Variants in IL31RA observed in about 807,000 individuals in gnomAD.
IL31RA encodes the protein interleukin-31 receptor subunit alpha.
A neutral mutation model predicts 83.7 loss-of-function variants in IL31RA; 66 were observed. That is an observed-to-expected ratio of 0.79 (90% CI 0.65 to 0.97). The LOEUF (loss-of-function observed/expected upper bound fraction) is 0.97, where lower values mean the gene tolerates loss of function less well. Ranked by LOEUF, IL31RA falls within the 50% of genes least tolerant of loss-of-function variation. The pLI, the probability that IL31RA is intolerant of heterozygous loss-of-function variation, is 0.00. For missense variants in IL31RA, 798 were observed against 919.4 expected (o/e 0.87, Z 1.71); for synonymous variants, 325 against 329.0 (o/e 0.99, Z 0.13).
At chr5:55,875,366 C>T (rs1418050959) in intron 4 of IL31RA, among the ~76,000 whole-genome samples, 1 of 152,144 alleles carries the variant, frequency 6.6e-6, no homozygotes, top group East Asian at 1.9e-4. Flanking sequence ...TAATATTGGC[C>T]TCATAGAATG....
At chr5:55,911,001 C>T (rs1468920758) in intron 12 of IL31RA, among the ~76,000 whole-genome samples, 1 of 152,144 alleles carries the variant, frequency 6.6e-6, no homozygotes, top group Admixed American at 6.5e-5. Context: ...AGGCTGTCTC[C>T]CCGTTCATAG....
intron 1 of IL31RA, among the ~76,000 whole-genome samples, chr5:55,857,139 C>T (rs1745410055): frequency 6.6e-6 from 1 of 151,484 alleles, no homozygotes; most frequent in African/African-American, 2.4e-5. Flanking sequence ...GGCTCTGTCA[C>T]CCAGGCTGAA....
intron 2 of IL31RA, among the ~76,000 whole-genome samples, chr5:55,867,014 A>T (rs1160335355): frequency 2.6e-5 from 4 of 152,212 alleles, no homozygotes; most frequent in African/African-American, 4.8e-5. Context: ...CAAAGAAGTT[A>T]GTATAAGCCT....
intron 2 of IL31RA, among the ~76,000 whole-genome samples, chr5:55,862,073 T>A (rs1200715021): frequency 1.3e-5 from 2 of 152,236 alleles, no homozygotes; most frequent in Non-Finnish European, 2.9e-5. Context: ...TTTTTCCCCT[T>A]ATTTCTAGAA....
chr5:55,917,242 C>G lies in IL31RA; in HGVS notation c.*122C>G, dbSNP rs1479448801. 9.4e-6 allele frequency: 15 copies of G among 1,587,922 alleles called. No individual in the cohort carries two copies. The Admixed American group carries it at 2.6e-4, about 27-fold the overall frequency. On this transcript the variant is annotated 3_prime_UTR_variant, in exon 15 of 15. Coordinates refer to ENST00000652347, the MANE Select transcript of IL31RA (RefSeq NM_139017.7). The stretch of plus-strand genomic sequence containing the variant: ...CACATCCTGCCTAGGTTAAAGTTTC[C>G]CCTGCCCCTTGAGCTGCCAGTTGAA...
chr5:55,848,112 T>C (rs1744977163), upstream of IL31RA, among the ~76,000 whole-genome samples: 2 of 152,216 alleles, frequency 1.3e-5, no homozygotes. Flanking sequence ...GTTTCTCCAC[T>C]GTAAAATACG....
In IL31RA at chr5:55,851,537, G is replaced by A. The variant is rs368309094; in HGVS notation, c.-34G>A. 170 of 1,613,870 alleles carry A rather than the reference G, an allele frequency of 1.1e-4. 1 individual carries two copies. The highest frequency in any genetic ancestry group is 1.6e-4 in the Middle Eastern group (1 of 6,080). ...TGCAGTATGAAAATTGAGACAGGAA[G>A]GCAGAGTGTCAGCTTGTTCCACCTC... On this transcript the variant is annotated 5_prime_UTR_variant, in exon 1 of 15. Transcript: ENST00000652347.
Position 55,907,410 on chromosome 5 carries a change from A to G in IL31RA, c.1304A>G (p.His435Arg). The change falls in exon 10 of 15, where the codon CAT becomes CGT. Residue 435 changes from histidine to arginine, a missense_variant. His to Arg is a conservative substitution (Grantham distance 29). Coordinates refer to ENST00000652347, the MANE Select transcript of IL31RA (RefSeq NM_139017.7). ...CYNISVYPML[H>R]DKVGEPYSIQ... The stretch of plus-strand genomic sequence containing the variant: ...AACATCTCTGTGTATCCAATGTTGC[A>G]TGACAAAGTTGGCGAGCCATATTCC... 1 of 1,613,932 alleles carries G rather than the reference A, an allele frequency of 6.2e-7. No individual in the cohort carries two copies. Among genetic ancestry groups the G allele is most frequent in the Non-Finnish European group, 8.5e-7 (1 of 1,179,794 alleles).
At chr5:55,907,518 C>T (rs769288372) in intron 10 of IL31RA, 58 bp downstream of exon 10, 8 of 1,153,500 alleles carry the variant, frequency 6.9e-6, no homozygotes, top group African/African-American at 1.5e-5. Flanking sequence ...TCCCACATGC[C>T]GATAAGGCTG....
chr5:55,847,406 A>G (rs1003825288), upstream of IL31RA, among the ~76,000 whole-genome samples: 3 of 151,938 alleles, frequency 2.0e-5, no homozygotes, highest in Non-Finnish European at 4.4e-5. Context: ...CCATGGTGAA[A>G]CCCTGTCTCT....
chr5:55,858,118 A>G (rs1028065163), intron 1 of IL31RA, among the ~76,000 whole-genome samples: 1 of 152,164 alleles, frequency 6.6e-6, no homozygotes, highest in Admixed American at 6.5e-5. Flanking sequence ...CATTAACTTA[A>G]AAATATTTTA....
intron 9 of IL31RA, among the ~76,000 whole-genome samples, chr5:55,906,657 C>T (rs1749177941): frequency 6.6e-6 from 1 of 152,190 alleles, no homozygotes; most frequent in African/African-American, 2.4e-5. Flanking sequence ...GAGTTAGGCC[C>T]CCTTCCCAGG....
rs759296773 is a variant in IL31RA at position 55,859,516 on chromosome 5, C to T, written c.71C>T (p.Pro24Leu). The T allele has an allele frequency of 6.2e-7, 1 of 1,613,538 alleles. No individual in the cohort carries two copies. The highest frequency in any genetic ancestry group is 8.5e-7 in the Non-Finnish European group (1 of 1,179,506). ...GACTGATGTCATTTTCAGCTCTCTC[C>T]CCAGCCTTCATGTGTTAACCTGGGG... ...VCECPQNILS[P>L]QPSCVNLGMM... The change falls in exon 2 of 15, where the codon CCC (proline) becomes CTC (leucine). Residue 24 changes from proline (P) to leucine (L), a missense_variant. Coordinates refer to ENST00000652347, the MANE Select transcript of IL31RA (RefSeq NM_139017.7).
chr5:55,855,045 A>G (rs960968028), intron 1 of IL31RA, among the ~76,000 whole-genome samples: 1 of 152,114 alleles, frequency 6.6e-6, no homozygotes, highest in African/African-American at 2.4e-5. Flanking sequence ...GAGGCTGAGC[A>G]GTGCATCGCT....
intron 2 of IL31RA, chr5:55,866,488 A>AG (rs2112341721): frequency 7.2e-6 from 1 of 139,794 alleles, no homozygotes; most frequent in African/African-American, 2.7e-5. Context: ...AGTTCACAGT[A>AG]GGGTTCAGCT....
Position 55,872,364 on chromosome 5 carries a change from C to T in IL31RA, c.367C>T (p.Pro123Ser), listed in dbSNP as rs1186877430. Residue 123 changes from proline (P) to serine (S), a missense_variant, in exon 4 of 15, where the codon CCA becomes TCA. Coordinates refer to ENST00000652347, the MANE Select transcript of IL31RA (RefSeq NM_139017.7). ...TTTTTTCCTTCCAAGAATAACGATCCCAGATAATTATACCATTGAGGTGGA... is the reference window on the plus strand; with the variant it reads ...TTTTTTCCTTCCAAGAATAACGATCTCAGATAATTATACCATTGAGGTGGA... ...CSFFLPRITIPDNYTIEVEAE... is the reference protein window; with the variant it reads ...CSFFLPRITISDNYTIEVEAE... 1.9e-6 allele frequency: 3 copies of T among 1,610,184 alleles called. No individual in the cohort carries two copies. In the African/African-American group the frequency reaches 4.0e-5, roughly 22 times the overall value.
rs1376822500 is a variant in IL31RA, at chr5:55,896,407, G to A, written c.830G>A (p.Arg277Lys). The A allele has an allele frequency of 6.2e-7, 1 of 1,613,310 alleles. No homozygotes were observed. Among genetic ancestry groups the A allele is most frequent in the Admixed American group, 1.7e-5 (1 of 60,012 alleles). The change falls in exon 7 of 15, where the codon AGG becomes AAG. Residue 277 changes from arginine to lysine, a missense_variant. Transcript: ENST00000652347. ...VLKPAEADGR[R>K]PVRLLWKKAR... ...AAACCAGCTGAGGCGGATGGAAGAA[G>A]GCCAGTGCGGTTGTTATGGAAGGTG... is the stretch of plus-strand genomic sequence containing the variant.
At position 55,917,424 on chromosome 5, in the gene IL31RA, A is replaced by G; in HGVS notation, c.*304A>G. 8 of 921,480 alleles carry G rather than the reference A, an allele frequency of 8.7e-6. No homozygotes were observed. The highest frequency in any genetic ancestry group is 1.2e-5 in the Non-Finnish European group (8 of 692,308). The allele number at this position is 921,480 out of a possible 1,614,324, so 57.1% of individuals were successfully genotyped here. ...CTTTGAAGGAAGGGCCCAGGTTCTG[A>G]GCCCAAAGGACCCCCAGGGTGGACA... On this transcript the variant is annotated 3_prime_UTR_variant, in exon 15 of 15. Transcript: ENST00000652347.
chr5:55,875,596 ATGATAGACC>A (rs1746800237), intron 4 of IL31RA, among the ~76,000 whole-genome samples: 1 of 152,132 alleles, frequency 6.6e-6, no homozygotes, highest in Non-Finnish European at 1.5e-5. Flanking sequence ...TTAATTCATG[ATGATAGACC>A]TGGAAGGGGA....
Sources: gnomAD v4.1 joint callset for allele counts (sites outside exome capture counted in the v4.1 genomes callset) on GRCh38, gnomAD v4.1.1 for gene constraint, MANE v1.5 for transcripts, NCBI Gene and HGNC (gene_info 2026-07-23, HGNC 2026-07-21) for gene names.